The following MRPL13 variants were observed in gnomAD, a reference collection of about 807,000 sequenced individuals.
The protein encoded by MRPL13 is mitochondrial ribosomal protein L13, also known as large ribosomal subunit protein uL13m.
A neutral mutation model predicts 29.0 loss-of-function variants in MRPL13; 33 were observed. That is an observed-to-expected ratio of 1.14 (90% CI 0.86 to 1.52). MRPL13 has a LOEUF of 1.52. Among genes scored for constraint, MRPL13 ranks in the 40% most tolerant of loss-of-function variants. MRPL13 has a pLI of 0.00. For missense variants in MRPL13, 227 were observed against 216.7 expected (o/e 1.05, Z -0.30); for synonymous variants, 77 against 68.4 (o/e 1.13, Z -0.62).
chr8:120,408,632 A>T (rs951591990), intron 6 of MRPL13, among the ~76,000 whole-genome samples: 1 of 152,210 alleles, frequency 6.6e-6, no homozygotes, highest in African/African-American at 2.4e-5. Context: ...ACATGACTAG[A>T]CTAGAAGAAA....
intron 6 of MRPL13, among the ~76,000 whole-genome samples, chr8:120,409,450 A>G (rs1812716986): frequency 6.6e-6 from 1 of 152,234 alleles, no homozygotes; most frequent in Non-Finnish European, 1.5e-5. Flanking sequence ...ATGTGTTGGC[A>G]AAACTGCAAT....
intron 6 of MRPL13, among the ~76,000 whole-genome samples, chr8:120,397,145 A>G (rs1228202686): frequency 6.6e-6 from 1 of 152,122 alleles, no homozygotes; most frequent in Non-Finnish European, 1.5e-5. Context: ...TCTCTCACGG[A>G]TCTTTGCAGC....
intron 2 of MRPL13, 79 bp downstream of exon 2, chr8:120,443,106 A>G: frequency 7.8e-7 from 1 of 1,288,446 alleles, no homozygotes; most frequent in Non-Finnish European, 1.0e-6. Context: ...CCTTAAACTC[A>G]GCCCTGTTAA....
chr8:120,397,054 G>T (rs1214941553), intron 6 of MRPL13, among the ~76,000 whole-genome samples: 2 of 152,146 alleles, frequency 1.3e-5, no homozygotes, highest in African/African-American at 4.8e-5. Flanking sequence ...ACCTGGGAGT[G>T]GCATGGAGCC....
At chr8:120,428,790 C>T (rs1039408096) in intron 3 of MRPL13, among the ~76,000 whole-genome samples, 2 of 152,146 alleles carry the variant, frequency 1.3e-5, no homozygotes, top group Admixed American at 1.3e-4. Flanking sequence ...GAGATGCCAT[C>T]TCACACCAGT....
intron 2 of MRPL13, among the ~76,000 whole-genome samples, chr8:120,438,638 T>G (rs1813081880): frequency 6.6e-6 from 1 of 152,234 alleles, no homozygotes; most frequent in Non-Finnish European, 1.5e-5. Flanking sequence ...TCATTTATTA[T>G]CTGCTGATAC....
At chr8:120,424,094 TAGTAA>T (rs140977405) in intron 4 of MRPL13, among the ~76,000 whole-genome samples, 106 of 152,194 alleles carry the variant, frequency 7.0e-4, no homozygotes, top group African/African-American at 2.5e-3. Flanking sequence ...CAGAATAACT[TAGTAA>T]AGTGTAAAAA....
At chr8:120,414,987 A>G (rs145986670) in intron 5 of MRPL13, 15 of 152,302 alleles carry the variant, frequency 9.8e-5, no homozygotes, top group African/African-American at 3.1e-4. Flanking sequence ...AAGATTTTTT[A>G]AAGTTTGAGT....
intron 4 of MRPL13, among the ~76,000 whole-genome samples, chr8:120,424,123 G>T (rs1375813686): frequency 1.3e-5 from 2 of 151,926 alleles, no homozygotes; most frequent in Non-Finnish European, 2.9e-5. Flanking sequence ...AAATATATGA[G>T]GCAAACACTA....
rs529659814 is a variant in MRPL13 at position 120,405,775 on chromosome 8, T to C, written c.515+8216A>G. Among the ~76,000 whole-genome samples the C allele has an allele frequency of 9.8e-5, 15 of 152,330 alleles. 1 individual carries two copies. The highest frequency in any genetic ancestry group is 3.9e-4 in the East Asian group (2 of 5,188). On this transcript the variant is annotated intron_variant, in intron 6 of 6. Transcript: ENST00000306185. ...ATATATGGTAACATGCAAACTAGAA[T>C]TGAATTCTCAGATTATGTTGCTTAC...
Position 120,443,328 on chromosome 8 carries a change from A to AAC in MRPL13, c.28-21_28-20insGT. ...CCATTGCTTGGGGGGGAAAAAAAAA[A>AAC]AAAAGAAGAGGAAAAAATAAAGATA... On this transcript the variant is annotated intron_variant, in intron 1 of 6. Coordinates refer to ENST00000306185, the MANE Select transcript of MRPL13 (RefSeq NM_014078.6). 4.5e-6 allele frequency: 7 copies of AAC among 1,555,400 alleles called. No homozygotes were observed. The highest frequency in any genetic ancestry group is 6.1e-6 in the Non-Finnish European group (7 of 1,156,840).
chr8:120,430,630 TCAG>T (rs1181394162), intron 3 of MRPL13, among the ~76,000 whole-genome samples: 4 of 152,268 alleles, frequency 2.6e-5, no homozygotes, highest in Admixed American at 2.0e-4. Context: ...TTCCTCACTG[TCAG>T]GGGAACAACA....
intron 3 of MRPL13, among the ~76,000 whole-genome samples, chr8:120,428,069 C>T (rs1180826484): frequency 6.6e-6 from 1 of 150,622 alleles, no homozygotes; most frequent in East Asian, 1.9e-4. Context: ...AGGCATCACG[C>T]TACCCAGCTT....
chr8:120,406,041 C>T (rs1211653139), intron 6 of MRPL13, among the ~76,000 whole-genome samples: 6 of 152,108 alleles, frequency 3.9e-5, no homozygotes, highest in East Asian at 1.9e-4. Context: ...TTAAAATGTG[C>T]GTTAATGTTA....
intron 2 of MRPL13, among the ~76,000 whole-genome samples, chr8:120,432,936 A>T (rs1464514267): frequency 6.6e-6 from 1 of 152,162 alleles, no homozygotes; most frequent in Non-Finnish European, 1.5e-5. Context: ...TAGAAGCTCA[A>T]GAAAAAAGTA....
intron 6 of MRPL13, among the ~76,000 whole-genome samples, chr8:120,404,869 T>C (rs1812646673): frequency 6.6e-6 from 1 of 152,152 alleles, no homozygotes; most frequent in South Asian, 2.1e-4. Context: ...TTTTATTCTA[T>C]ATGATGCCTC....
chr8:120,424,200 T>C (rs757720403), intron 4 of MRPL13, among the ~76,000 whole-genome samples: 2 of 152,170 alleles, frequency 1.3e-5, no homozygotes, highest in Non-Finnish European at 2.9e-5. Flanking sequence ...AAAAGCATTA[T>C]TGGAGATTAA....
At chr8:120,420,498 A>AATATAT (rs965639180) in intron 4 of MRPL13, among the ~76,000 whole-genome samples, 1 of 147,582 alleles carries the variant, frequency 6.8e-6, no homozygotes, top group Admixed American at 6.8e-5. Flanking sequence ...AATATATATA[A>AATATAT]ATATATATAT....
chr8:120,396,703 A>C (rs1177072105), intron 6 of MRPL13, among the ~76,000 whole-genome samples: 6 of 152,206 alleles, frequency 3.9e-5, no homozygotes, highest in Non-Finnish European at 7.3e-5. Flanking sequence ...CAATTAAAAA[A>C]ATTTTTCAGA....
Sources: gnomAD v4.1 joint callset for allele counts (sites outside exome capture counted in the v4.1 genomes callset) on GRCh38, gnomAD v4.1.1 for gene constraint, MANE v1.5 for transcripts, NCBI Gene and HGNC (gene_info 2026-07-23, HGNC 2026-07-21) for gene names.